CSF2RA: variants seen among roughly 807,000 people sequenced by gnomAD.
The protein encoded by CSF2RA is granulocyte-macrophage colony-stimulating factor receptor subunit alpha.
CSF2RA carries 42 observed loss-of-function variants against 51.6 expected under a neutral mutation model. That is an observed-to-expected ratio of 0.81 (90% CI 0.64 to 1.05). The LOEUF (loss-of-function observed/expected upper bound fraction) is 1.05. Among genes scored for constraint, CSF2RA ranks in the 50% least tolerant of loss-of-function variants. The pLI, the probability that CSF2RA is intolerant of heterozygous loss-of-function variation, is 0.00. For missense variants in CSF2RA, 530 were observed against 501.1 expected, an observed-to-expected ratio of 1.06 and a Z score of -0.55; for synonymous variants, 222 against 193.0, an observed-to-expected ratio of 1.15 and a Z score of -1.24.
chrX:1,316,569 C>T, the CSF2RA span, among the ~76,000 whole-genome samples: 1 of 152,164 alleles, frequency 6.6e-6, no homozygotes, highest in Non-Finnish European at 1.5e-5. Flanking sequence ...GTCTAACAAG[C>T]GACAGGAGAA....
At position 1,288,550 on chromosome X, in the gene CSF2RA, G is replaced by A. The variant is rs111646204; in HGVS notation, c.251G>A (p.Arg84His). The stretch of plus-strand genomic sequence containing the variant: ...AACAACGAATGTTCGTGCACATTTC[G>A]TGAAATTTGTCTGCATGAAGGAGTC... ...LSNNECSCTF[R>H]EICLHEGVTF... is the part of the protein sequence containing the mutation. The change falls in exon 5 of 13, where the codon CGT (arginine) becomes CAT (histidine). Residue 84 changes from arginine to histidine, a missense_variant. Transcript: ENST00000381529. The A allele has an allele frequency of 4.7e-4, 766 of 1,613,768 alleles. 2 individuals are homozygous for A. Among genetic ancestry groups the A allele is most frequent in the Non-Finnish European group, 6.1e-4 (716 of 1,179,860 alleles).
chrX:1,300,284 T>A (rs1466441889), intron 9 of CSF2RA: 5 of 591,658 alleles, frequency 8.5e-6, no homozygotes, highest in Non-Finnish European at 1.2e-5. Context: ...TTTCCCAACT[T>A]GTCTCCCATC....
the CSF2RA span, among the ~76,000 whole-genome samples, chrX:1,318,095 TC>T: frequency 0.18 from 26,487 of 151,092 alleles, 2,696 homozygotes; most frequent in Admixed American, 0.25. Context: ...TTCAAGCGAT[TC>T]TCCTGTCTCA....
chrX:1,271,065 A>G (rs1304456069), intron 1 of CSF2RA, among the ~76,000 whole-genome samples: 1 of 151,926 alleles, frequency 6.6e-6, no homozygotes, highest in Non-Finnish European at 1.5e-5. Context: ...TAAAAAAGAC[A>G]GAAATGAAGC....
rs1351691090 is a variant in CSF2RA at position 1,291,739 on chromosome X, A to T, written c.646+1230A>T. Among the ~76,000 whole-genome samples the T allele has an allele frequency of 2.0e-5, 3 of 151,294 alleles. No homozygotes were observed. The East Asian group carries it at 5.9e-4, about 30-fold the overall frequency. On this transcript the variant is annotated intron_variant, in intron 7 of 12. Coordinates refer to ENST00000381529, the MANE Select transcript of CSF2RA (RefSeq NM_172245.4). ...ACCTCCACTTGGACCCAGTGTAGAC[A>T]GGAGGAGACCCTGTACCACCTCCAC...
intron 7 of CSF2RA, among the ~76,000 whole-genome samples, chrX:1,291,497 T>A (rs1252231010): frequency 6.6e-6 from 1 of 151,946 alleles, no homozygotes; most frequent in Non-Finnish European, 1.5e-5. Flanking sequence ...TGCTCCTGGC[T>A]GGCCTCTTGG....
At chrX:1,280,880 GCTC>G (rs2089852653) in intron 2 of CSF2RA, among the ~76,000 whole-genome samples, 1 of 42,180 alleles carries the variant, frequency 2.4e-5, no homozygotes, top group South Asian at 1.1e-3. Context: ...TCCTTCTCCT[GCTC>G]CTTCTCCTCC....
At chrX:1,276,487 C>A (rs1300747786) in intron 2 of CSF2RA, among the ~76,000 whole-genome samples, 9 of 152,118 alleles carry the variant, frequency 5.9e-5, no homozygotes, top group African/African-American at 1.9e-4. Context: ...GATTCTCCTG[C>A]CTCAGCCTCG....
At chrX:1,324,995 G>A in the CSF2RA span, among the ~76,000 whole-genome samples, 1 of 151,932 alleles carries the variant, frequency 6.6e-6, no homozygotes, top group Non-Finnish European at 1.5e-5. Flanking sequence ...CCCCAAACTG[G>A]CCACCGACAC....
the CSF2RA span, among the ~76,000 whole-genome samples, chrX:1,316,665 C>T: frequency 5.9e-5 from 9 of 152,210 alleles, no homozygotes; most frequent in South Asian, 2.1e-4. Flanking sequence ...GAGGGAACAC[C>T]GGCGTCATGG....
At chrX:1,324,367 GAAAGAA>G in the CSF2RA span, among the ~76,000 whole-genome samples, 1 of 138,100 alleles carries the variant, frequency 7.2e-6, no homozygotes, top group East Asian at 2.1e-4. Context: ...AAAGAGAAAG[GAAAGAA>G]AGAGAAAGAA....
downstream of CSF2RA, among the ~76,000 whole-genome samples, chrX:1,314,250 ACCTGCCCAACCCCACTGCG>A (rs1306050959): frequency 0.035 from 942 of 26,920 alleles, 49 homozygotes; most frequent in Admixed American, 0.14. Context: ...ACCCCACTGC[ACCTGCCCAACCCCACTGCG>A]CCTGCCCAAC....
chrX:1,294,878 G>GCTCTTGTCCCACA (rs2091771468), intron 8 of CSF2RA, among the ~76,000 whole-genome samples: 1 of 152,082 alleles, frequency 6.6e-6, no homozygotes, highest in Non-Finnish European at 1.5e-5. Flanking sequence ...GACAGGAGGA[G>GCTCTTGTCCCACA]ACCCTGCTCC....
intron 2 of CSF2RA, among the ~76,000 whole-genome samples, chrX:1,276,449 C>T (rs1423631717): frequency 2.6e-5 from 4 of 152,104 alleles, no homozygotes; most frequent in South Asian, 2.1e-4. Flanking sequence ...TCTTGGCTCA[C>T]GGCAACCTCT....
intron 3 of CSF2RA, among the ~76,000 whole-genome samples, chrX:1,284,209 T>C (rs1293407561): frequency 3.6e-5 from 5 of 140,258 alleles, no homozygotes; most frequent in African/African-American, 1.1e-4. Flanking sequence ...TTTTTTTTTT[T>C]TTTTTTTTTT....
At chrX:1,271,232 A>G (rs1403051049) in intron 1 of CSF2RA, among the ~76,000 whole-genome samples, 3 of 39,732 alleles carry the variant, frequency 7.6e-5, no homozygotes, top group Non-Finnish European at 1.2e-4. Flanking sequence ...ATCTCTGCTC[A>G]CCGCAACCTC....
In CSF2RA at chrX:1,294,379, G is replaced by A. The variant is rs1250368603; in HGVS notation, c.698G>A (p.Cys233Tyr). 6.2e-7 allele frequency: 1 copy of A among 1,613,946 alleles called. No individual in the cohort carries two copies. Residue 233 changes from cysteine (C) to tyrosine (Y), a missense_variant, in exon 8 of 13, where the codon TGC (cysteine) becomes TAC (tyrosine). Cys to Tyr is a radical substitution (Grantham distance 194). Coordinates refer to ENST00000381529, the MANE Select transcript of CSF2RA (RefSeq NM_172245.4). ...NVTVRCNTTHCLVRWKQPRTY... is the reference protein window; with the variant it reads ...NVTVRCNTTHYLVRWKQPRTY... Reference sequence around the variant, plus strand: ...ACCGTACGTTGCAACACGACGCACTGCCTCGTACGGTGGAAACAGCCCAGG... The same window carrying A: ...ACCGTACGTTGCAACACGACGCACTACCTCGTACGGTGGAAACAGCCCAGG...
chrX:1,282,939 C>G (rs2090209697), intron 3 of CSF2RA, among the ~76,000 whole-genome samples, 160 bp downstream of exon 3: 1 of 152,138 alleles, frequency 6.6e-6, no homozygotes. Flanking sequence ...CAGAGCTCCT[C>G]TTGTTCTCAC....
At position 1,287,755 on chromosome X, in the gene CSF2RA, G is replaced by A. The variant is rs1307541181; in HGVS notation, c.220-764G>A. 1.6e-5 allele frequency among the ~76,000 whole-genome samples: 2 copies of A among 123,926 alleles called. 1 individual carries two copies. Among genetic ancestry groups the A allele is most frequent in the African/African-American group, 6.3e-5 (2 of 31,910 alleles). 81.3% of individuals were successfully genotyped at this position (123,926 alleles called of 152,430 possible). On this transcript the variant is annotated intron_variant, in intron 4 of 12. Transcript: ENST00000381529. ...CACTATGTCCGACCCTTTTTTTGGG[G>A]GGATGGAGTCTCTGTCTGTCACCCA...
Sources: allele counts gnomAD v4.1 joint callset (sites outside exome capture counted in the v4.1 genomes callset), GRCh38; gene constraint gnomAD v4.1.1; transcripts MANE v1.5; gene names NCBI Gene and HGNC (gene_info 2026-07-23, HGNC 2026-07-21).